The following HTR2C variants were observed in gnomAD, a reference collection of about 807,000 sequenced individuals.
The protein encoded by HTR2C is 5-hydroxytryptamine (serotonin) receptor 2C, G protein-coupled.
Under a neutral mutation model 21.0 loss-of-function variants are expected in HTR2C, and 5 were observed. That is an observed-to-expected ratio of 0.24 (90% confidence interval 0.12 to 0.50). The LOEUF (loss-of-function observed/expected upper bound fraction) is 0.50, where lower values mean the gene tolerates loss of function less well. HTR2C is among the 20% of genes least tolerant of loss of function. HTR2C has a pLI of 0.98. For missense variants in HTR2C, 271 were observed against 371.2 expected (o/e 0.73, Z 2.22); for synonymous variants, 150 against 145.3 (o/e 1.03, Z -0.23).
chrX:114,610,049 C>T (rs1928657265), intron 1 of HTR2C, among the ~76,000 whole-genome samples: 1 of 111,944 alleles, frequency 8.9e-6, no homozygotes, highest in African/African-American at 3.2e-5. Flanking sequence ...AAGGTGGATT[C>T]CTTAAAAAGT....
At chrX:114,797,802 C>G (rs1556445662) in intron 4 of HTR2C, among the ~76,000 whole-genome samples, 1 of 111,664 alleles carries the variant, frequency 9.0e-6, no homozygotes, top group Non-Finnish European at 1.9e-5. Context: ...TAGCCAAGAA[C>G]AGTATATATG....
chrX:114,812,757 A>AAAC (rs2070547177), intron 4 of HTR2C, among the ~76,000 whole-genome samples: 2 of 23,223 alleles, frequency 8.6e-5, no homozygotes, highest in Non-Finnish European at 7.7e-5. Flanking sequence ...AACAAACAAA[A>AAAC]AAAAAAACAA....
intron 4 of HTR2C, among the ~76,000 whole-genome samples, chrX:114,781,785 G>A (rs1333904432): frequency 2.0e-5 from 2 of 98,455 alleles, no homozygotes; most frequent in African/African-American, 7.5e-5. Context: ...ACAAGCGTGA[G>A]CCACCACATC....
At chrX:114,702,521 G>T (rs1293304041) in intron 2 of HTR2C, among the ~76,000 whole-genome samples, 51 of 110,905 alleles carry the variant, frequency 4.6e-4, no homozygotes, top group African/African-American at 1.6e-3. Context: ...GAGAGATTTT[G>T]TCACCACCAG....
chrX:114,725,856 G>T (rs1393420414), intron 2 of HTR2C, among the ~76,000 whole-genome samples: 2 of 109,811 alleles, frequency 1.8e-5, no homozygotes, highest in African/African-American at 6.6e-5. Context: ...CCCACTTGAG[G>T]AGGCAGTCTG....
rs782811324 is a variant in HTR2C at position 114,650,842 on chromosome X, C to A, written c.-80+36961C>A. ...TATTGAATCTTAAATCTAGTCAGGG[C>A]TGTCGAATTGAACAGTGAGGTAGAG... On this transcript the variant is annotated intron_variant, in intron 2 of 5. Coordinates refer to ENST00000276198, the MANE Select transcript of HTR2C (RefSeq NM_000868.4). Among the ~76,000 whole-genome samples the A allele has an allele frequency of 2.7e-5, 3 of 111,352 alleles. No individual in the cohort carries two copies. In the South Asian group the frequency reaches 1.1e-3, roughly 42 times the overall value.
intron 4 of HTR2C, among the ~76,000 whole-genome samples, chrX:114,802,049 G>T (rs187803424): frequency 1.8e-5 from 2 of 110,221 alleles, no homozygotes; most frequent in African/African-American, 6.6e-5. Flanking sequence ...GAGATACAGG[G>T]GCAACAAAGA....
chrX:114,849,421 T>C lies in HTR2C; in HGVS notation c.550+1218T>C, dbSNP rs184853621. On this transcript the variant is annotated intron_variant, in intron 5 of 5. Coordinates refer to ENST00000276198, the MANE Select transcript of HTR2C (RefSeq NM_000868.4). ...CCCTAAGAAGCTAATGAAATAGAAA[T>C]TGCTATTGGCTAAGATCCAGAAAAA... Among the ~76,000 whole-genome samples, 5 of 112,316 alleles carry C rather than the reference T, an allele frequency of 4.5e-5. No homozygotes were observed. In the East Asian group the frequency reaches 1.4e-3, roughly 31 times the overall value.
At chrX:114,866,431 C>T (rs909913048) in intron 5 of HTR2C, among the ~76,000 whole-genome samples, 12 of 109,428 alleles carry the variant, frequency 1.1e-4, no homozygotes, top group Admixed American at 2.0e-4. Flanking sequence ...AACAGGCATG[C>T]GATGTGAAAT....
intron 4 of HTR2C, among the ~76,000 whole-genome samples, chrX:114,759,997 T>C (rs1160959087): frequency 9.0e-6 from 1 of 111,631 alleles, no homozygotes; most frequent in Non-Finnish European, 1.9e-5. Flanking sequence ...GCTGGAAAAG[T>C]AGAGGCAAGA....
At chrX:114,712,803 A>G (rs1932911039) in intron 2 of HTR2C, among the ~76,000 whole-genome samples, 1 of 112,134 alleles carries the variant, frequency 8.9e-6, no homozygotes, top group Non-Finnish European at 1.9e-5. Flanking sequence ...ATGTATTATC[A>G]TAACATCCAC....
intron 2 of HTR2C, among the ~76,000 whole-genome samples, chrX:114,649,913 C>A (rs1391224943): frequency 1.3e-4 from 14 of 111,540 alleles, no homozygotes; most frequent in Admixed American, 5.7e-4. Context: ...CCGTGCCCGG[C>A]CTTTTCTCTG....
chrX:114,699,139 T>A (rs1932378659), intron 2 of HTR2C, among the ~76,000 whole-genome samples: 1 of 111,871 alleles, frequency 8.9e-6, no homozygotes, highest in South Asian at 3.7e-4. Flanking sequence ...CCAAATTTTC[T>A]TTTAGAAATA....
At chrX:114,651,063 A>G (rs1319083564) in intron 2 of HTR2C, among the ~76,000 whole-genome samples, 1 of 112,127 alleles carries the variant, frequency 8.9e-6, no homozygotes, top group Non-Finnish European at 1.9e-5. Flanking sequence ...CATGATATCT[A>G]CATTTATGAT....
chrX:114,681,708 C>G (rs1342923785), intron 2 of HTR2C, among the ~76,000 whole-genome samples: 1 of 111,688 alleles, frequency 9.0e-6, no homozygotes. Flanking sequence ...AATCTAATCT[C>G]TAGATTACCA....
At chrX:114,605,964 G>A (rs1285163143) in intron 1 of HTR2C, among the ~76,000 whole-genome samples, 3 of 107,433 alleles carry the variant, frequency 2.8e-5, no homozygotes, top group South Asian at 8.7e-4. Flanking sequence ...AAGGGACTGG[G>A]GCACAGAGAT....
chrX:114,857,114 A>AT (rs1381293929), intron 5 of HTR2C, among the ~76,000 whole-genome samples: 1 of 110,299 alleles, frequency 9.1e-6, no homozygotes, highest in Non-Finnish European at 1.9e-5. Context: ...CTATGACACA[A>AT]TTTTCATTTG....
chrX:114,736,632 C>T (rs1602733241), intron 4 of HTR2C, among the ~76,000 whole-genome samples: 1 of 111,367 alleles, frequency 9.0e-6, no homozygotes, highest in East Asian at 2.8e-4. Flanking sequence ...GTACTCAGTA[C>T]AAGAAAGACT....
chrX:114,723,808 C>T (rs1208691649), intron 2 of HTR2C, among the ~76,000 whole-genome samples: 27 of 107,021 alleles, frequency 2.5e-4, no homozygotes, highest in Non-Finnish European at 4.3e-4. Context: ...TGTTCAGTTT[C>T]CATGTAGTTG....
Sources: allele counts gnomAD v4.1 joint callset (sites outside exome capture counted in the v4.1 genomes callset), GRCh38; gene constraint gnomAD v4.1.1; transcripts MANE v1.5; gene names NCBI Gene and HGNC (gene_info 2026-07-23, HGNC 2026-07-21).